The following PARVB variants were observed in gnomAD, a reference collection of about 807,000 sequenced individuals.
The protein encoded by PARVB is parvin beta.
PARVB carries 46 observed loss-of-function variants against 47.0 expected under a neutral mutation model. The ratio of observed to expected loss-of-function variants is 0.98; its 90% confidence interval spans 0.77 to 1.25. PARVB has a LOEUF of 1.25. Ranked by LOEUF, PARVB falls within the 50% of genes most tolerant of loss-of-function variation. The probability of loss-of-function intolerance (pLI) is 0.00; values close to 1 mark genes in which losing one functional copy is unlikely to be tolerated. For synonymous variants in PARVB, 196 were observed against 196.3 expected (o/e 1.00, Z 0.01); for missense variants, 473 against 471.6 (o/e 1.00, Z -0.03).
At chr22:44,096,660 C>T (rs1367348485) in intron 2 of PARVB, among the ~76,000 whole-genome samples, 1 of 152,160 alleles carries the variant, frequency 6.6e-6, no homozygotes, top group Non-Finnish European at 1.5e-5. Flanking sequence ...GTGCCAAAGT[C>T]TTGAACCCCG....
intron 7 of PARVB, among the ~76,000 whole-genome samples, chr22:44,137,079 C>T (rs2053455188): frequency 6.6e-6 from 1 of 152,250 alleles, no homozygotes; most frequent in Non-Finnish European, 1.5e-5. Context: ...TTAGAATTCA[C>T]TGCATTTGTG....
chr22:44,127,281 A>G (rs907705688), intron 4 of PARVB, among the ~76,000 whole-genome samples: 3 of 152,130 alleles, frequency 2.0e-5, no homozygotes, highest in African/African-American at 4.8e-5. Flanking sequence ...AAAAAAGAAC[A>G]GTGGACTAGA....
chr22:44,157,422 A>G (rs192010380), intron 10 of PARVB, among the ~76,000 whole-genome samples: 1 of 151,940 alleles, frequency 6.6e-6, no homozygotes, highest in East Asian at 1.9e-4. Flanking sequence ...AGCTCCAAAC[A>G]CTCATCATAT....
chr22:44,040,524 A>AG (rs2050999424), intron 1 of PARVB, among the ~76,000 whole-genome samples: 1 of 152,132 alleles, frequency 6.6e-6, no homozygotes, highest in Non-Finnish European at 1.5e-5. Context: ...GTCAGAGAGA[A>AG]GTGACCATGG....
intron 1 of PARVB, among the ~76,000 whole-genome samples, chr22:44,027,635 C>T (rs1016973978): frequency 1.4e-4 from 22 of 152,270 alleles, no homozygotes; most frequent in South Asian, 8.3e-4. Flanking sequence ...AGGTGGCTCA[C>T]GCCTGTAATC....
At chr22:44,059,948 G>T (rs2051388865) in intron 1 of PARVB, among the ~76,000 whole-genome samples, 1 of 152,132 alleles carries the variant, frequency 6.6e-6, no homozygotes, top group South Asian at 2.1e-4. Flanking sequence ...GCTATCGGGA[G>T]AAATGTTCTT....
intron 1 of PARVB, among the ~76,000 whole-genome samples, chr22:44,050,859 A>G (rs1238347699): frequency 2.0e-5 from 3 of 152,232 alleles, no homozygotes; most frequent in South Asian, 4.1e-4. Context: ...AAGTGCAGGT[A>G]TGAAGTCAGG....
chr22:44,025,977 G>A (rs566208107), intron 1 of PARVB, among the ~76,000 whole-genome samples: 2 of 152,226 alleles, frequency 1.3e-5, no homozygotes, highest in Non-Finnish European at 2.9e-5. Flanking sequence ...GACGTGCCCC[G>A]GAGCACATAG....
At chr22:44,086,498 C>G (rs2052027987) in intron 1 of PARVB, among the ~76,000 whole-genome samples, 1 of 152,194 alleles carries the variant, frequency 6.6e-6, no homozygotes, top group Non-Finnish European at 1.5e-5. Context: ...CCTCACATTT[C>G]AAGGCCTTTG....
chr22:44,155,288 C>T lies in PARVB; in HGVS notation c.844-2694C>T, dbSNP rs567700416. ...CAGGGCTCGGCAGGGGTTAGCACTG[C>T]GGATGAGGAGGCGGTGGTGGGGCCT... On this transcript the variant is annotated intron_variant, in intron 10 of 12. Coordinates refer to ENST00000338758, the MANE Select transcript of PARVB (RefSeq NM_013327.5). This position sits in a 1 kb window ranked among gnomAD's most constrained non-coding sequence, Gnocchi z 4.8. 1.8e-4 allele frequency among the ~76,000 whole-genome samples: 27 copies of T among 152,226 alleles called. No individual in the cohort carries two copies. The highest frequency in any genetic ancestry group is 4.6e-4 in the African/African-American group (19 of 41,548).
rs1809330505 is a variant in PARVB at position 44,076,473 on chromosome 22, A to G, written c.113-17455A>G. ...ACAGGCTCTTCCCTCCGGAGGGTGC[A>G]GCCCAGGGGTTCTGGTAAGATACAG... On this transcript the variant is annotated intron_variant, in intron 1 of 12. Transcript: ENST00000338758. Among the ~76,000 whole-genome samples the G allele has an allele frequency of 2.6e-5, 4 of 152,222 alleles. No homozygotes were observed. In the South Asian group the frequency reaches 8.3e-4, roughly 31 times the overall value.
chr22:44,155,617 C>A lies in PARVB; in HGVS notation c.844-2365C>A, dbSNP rs914296179. Among the ~76,000 whole-genome samples the A allele has an allele frequency of 2.0e-5, 3 of 152,186 alleles. No individual in the cohort carries two copies. Among genetic ancestry groups the A allele is most frequent in the Non-Finnish European group, 4.4e-5 (3 of 68,024 alleles). Reference sequence around the variant, plus strand: ...GTGCCTTCATTCACGTGGCAGCTTCCATTCCCTGGAAGTTAGTCCATGGAG... The same window carrying A: ...GTGCCTTCATTCACGTGGCAGCTTCAATTCCCTGGAAGTTAGTCCATGGAG... On this transcript the variant is annotated intron_variant, in intron 10 of 12. Transcript: ENST00000338758. This position sits in a 1 kb window ranked among gnomAD's most constrained non-coding sequence, Gnocchi z 4.8.
At chr22:44,093,785 T>C (rs1008159980) in intron 1 of PARVB, 143 bp from the exon 2 acceptor site, 2 of 600,546 alleles carry the variant, frequency 3.3e-6, no homozygotes, top group Admixed American at 3.2e-5. Flanking sequence ...CCTCTGACTC[T>C]TTCTGGGCAA....
intron 1 of PARVB, among the ~76,000 whole-genome samples, chr22:44,030,964 A>T (rs1434085506): frequency 6.6e-6 from 1 of 152,042 alleles, no homozygotes; most frequent in Non-Finnish European, 1.5e-5. Context: ...TAGACAGGTG[A>T]GGGACCAGGG....
rs35276038 is a variant in PARVB at position 44,100,060 on chromosome 22, C to T, written c.210C>T (p.Asn70=). The T allele has an allele frequency of 7.5e-3, 12,026 of 1,613,636 alleles. 70 individuals carry two copies. The highest frequency in any genetic ancestry group is 9.3e-3 in the Non-Finnish European group (10,998 of 1,179,562). Residue 70 remains asparagine (N), a synonymous_variant, in exon 3 of 13, where the codon AAC becomes AAT. Coordinates refer to ENST00000338758, the MANE Select transcript of PARVB (RefSeq NM_013327.5). ...VHPEDTQLEE[N]EERTMIDPTS... ...TCCTTTTGTCCCTGGCAGAGGAGAA[C>T]GAGGAGCGCACGATGATTGACCCCA...
chr22:44,133,148 G>T (rs1452840356), intron 6 of PARVB, 139 bp downstream of exon 6: 3 of 562,408 alleles, frequency 5.3e-6, no homozygotes, highest in Non-Finnish European at 9.4e-6. Flanking sequence ...CAAAATGTGT[G>T]TCTCACCCTG....
chr22:44,010,993 G>A (rs570518765), intron 2 of PARVB, among the ~76,000 whole-genome samples: 5 of 150,344 alleles, frequency 3.3e-5, no homozygotes, highest in Non-Finnish European at 7.4e-5. Flanking sequence ...CTGGGTTCAC[G>A]TCATTCTCCT....
chr22:44,133,039 G>A, intron 6 of PARVB, 30 bp downstream of exon 6: 3 of 1,497,170 alleles, frequency 2.0e-6, no homozygotes, highest in Non-Finnish European at 2.8e-6. Flanking sequence ...CGGCCTGCCT[G>A]TAACTCCGCC....
intron 2 of PARVB, among the ~76,000 whole-genome samples, chr22:44,016,932 A>G (rs1021383645): frequency 2.6e-5 from 4 of 152,086 alleles, no homozygotes; most frequent in Admixed American, 6.6e-5. Context: ...CTGGAGTACA[A>G]TGGCATGATC....
Sources: allele counts gnomAD v4.1 joint callset (sites outside exome capture counted in the v4.1 genomes callset), GRCh38; gene constraint gnomAD v4.1.1; non-coding constraint Gnocchi (gnomAD v3.1); transcripts MANE v1.5; gene names NCBI Gene and HGNC (gene_info 2026-07-23, HGNC 2026-07-21).